CDC42SE2: variants seen among roughly 807,000 people sequenced by gnomAD.
CDC42SE2 encodes the protein CDC42 small effector protein 2.
Under a neutral mutation model 11.5 loss-of-function variants are expected in CDC42SE2, and 3 were observed. The observed-to-expected ratio is 0.26, with a 90% CI of 0.12 to 0.67. CDC42SE2 has a LOEUF of 0.67. Ranked by LOEUF, CDC42SE2 falls within the 30% of genes least tolerant of loss-of-function variation. The pLI, the probability that CDC42SE2 is intolerant of heterozygous loss-of-function variation, is 0.80. For synonymous variants in CDC42SE2, 33 were observed against 34.8 expected, an observed-to-expected ratio of 0.95 and a Z score of 0.18; for missense variants, 82 against 106.8, an observed-to-expected ratio of 0.77 and a Z score of 1.02.
chr5:131,363,267 A>G (rs1176783683), intron 3 of CDC42SE2, among the ~76,000 whole-genome samples: 5 of 54,362 alleles, frequency 9.2e-5, no homozygotes, highest in South Asian at 4.7e-4. Context: ...TGATTTACAG[A>G]AAAAAAAAAA....
upstream of CDC42SE2, among the ~76,000 whole-genome samples, chr5:131,241,391 C>T (rs533824639): frequency 1.3e-5 from 2 of 152,038 alleles, no homozygotes; most frequent in African/African-American, 2.4e-5. Context: ...CTTGTTTTTC[C>T]TTATGCTATA....
At chr5:131,369,941 GTGCTTTC>G (rs1749970239) in intron 3 of CDC42SE2, among the ~76,000 whole-genome samples, 1 of 152,304 alleles carries the variant, frequency 6.6e-6, no homozygotes, top group East Asian at 1.9e-4. Context: ...ATTTAATTCA[GTGCTTTC>G]TGCTTATTCT....
the CDC42SE2 span, among the ~76,000 whole-genome samples, chr5:131,210,686 T>G: frequency 5.8e-4 from 88 of 152,352 alleles, no homozygotes; most frequent in Admixed American, 1.5e-3. Context: ...CTTGTAAGAT[T>G]TTTGTCTTTT....
At chr5:131,381,321 T>TG (rs1491365195) in intron 3 of CDC42SE2, among the ~76,000 whole-genome samples, 2 of 63,796 alleles carry the variant, frequency 3.1e-5, no homozygotes, top group South Asian at 4.3e-4. Context: ...TGTTTTTTTT[T>TG]GTTTTTTTTT....
rs912955913 is a variant in CDC42SE2, at chr5:131,330,851, C to CAAA, written c.-286+14725_-286+14727dup. Among the ~76,000 whole-genome samples the CAAA allele has an allele frequency of 3.0e-3, 176 of 58,140 alleles. 1 individual carries two copies. Among genetic ancestry groups the CAAA allele is most frequent in the Middle Eastern group, 0.011 (1 of 90 alleles). 38.1% of individuals were successfully genotyped at this position (58,140 alleles called of 152,430 possible). ...GGGAAACATATAGACCCTGCCTTTA[C>CAAA]AAAAAAAAAAAAAAAAAAAATTTAA... is the stretch of plus-strand genomic sequence containing the variant. On this transcript the variant is annotated intron_variant, in intron 2 of 4. Coordinates refer to ENST00000505065, the MANE Select transcript of CDC42SE2 (RefSeq NM_001375635.1).
At chr5:131,266,954 C>CTTTTT (rs34496996) in intron 1 of CDC42SE2, among the ~76,000 whole-genome samples, 2 of 69,514 alleles carry the variant, frequency 2.9e-5, no homozygotes, top group Non-Finnish European at 2.8e-5. Context: ...AAGTGTTTGG[C>CTTTTT]TTTTTTTTTT....
intron 1 of CDC42SE2, among the ~76,000 whole-genome samples, chr5:131,274,988 C>T (rs1038794678): frequency 6.6e-6 from 1 of 152,048 alleles, no homozygotes; most frequent in African/African-American, 2.4e-5. Flanking sequence ...CACCTAAAAC[C>T]ATGTAGTCCT....
chr5:131,211,496 T>C, the CDC42SE2 span, among the ~76,000 whole-genome samples: 2 of 152,198 alleles, frequency 1.3e-5, no homozygotes, highest in African/African-American at 4.8e-5. Context: ...ATACTCCTCT[T>C]TGTTCACCTC....
rs771254022 is a variant in CDC42SE2, at chr5:131,359,467, G to C, written c.-27G>C. 1 of 1,594,758 alleles carries C rather than the reference G, an allele frequency of 6.3e-7. No homozygotes were observed. The highest frequency in any genetic ancestry group is 1.7e-5 in the Admixed American group (1 of 59,982). On this transcript the variant is annotated 5_prime_UTR_variant, in exon 3 of 5. Coordinates refer to ENST00000505065, the MANE Select transcript of CDC42SE2 (RefSeq NM_001375635.1). ...CGAGTTGAGATTTGGAACCTTCATTGGTGCTCATTTACTGTGGACTGTAAG... is the reference window on the plus strand; with the variant it reads ...CGAGTTGAGATTTGGAACCTTCATTCGTGCTCATTTACTGTGGACTGTAAG...
chr5:131,289,756 C>T (rs1307387852), intron 1 of CDC42SE2, among the ~76,000 whole-genome samples: 5 of 151,994 alleles, frequency 3.3e-5, no homozygotes, highest in African/African-American at 1.2e-4. Context: ...TTTCCCCAGT[C>T]TCTCCCAATT....
Position 131,292,521 on chromosome 5 carries a change from CTG to C in CDC42SE2, c.-454-23454_-454-23453del, listed in dbSNP as rs536367761. 8.7e-4 allele frequency among the ~76,000 whole-genome samples: 125 copies of C among 143,640 alleles called. 1 individual carries two copies. The highest frequency in any genetic ancestry group is 2.8e-3 in the African/African-American group (106 of 38,108). 94.2% of individuals were successfully genotyped at this position (143,640 alleles called of 152,430 possible). A position where few individuals can be genotyped will look rare whatever the true frequency, so the allele number is the denominator to read the frequency against. On this transcript the variant is annotated intron_variant, in intron 1 of 4. Coordinates refer to ENST00000505065, the MANE Select transcript of CDC42SE2 (RefSeq NM_001375635.1). ...AAGCGGAGGTTGCAGTGAGCCGAGA[CTG>C]CACTCCAGCCCGGGTGACAGAGTGA...
At chr5:131,376,510 C>G (rs765264131) in intron 3 of CDC42SE2, among the ~76,000 whole-genome samples, 9 of 151,888 alleles carry the variant, frequency 5.9e-5, no homozygotes, top group Non-Finnish European at 8.8e-5. Flanking sequence ...TTTAATTTAC[C>G]TTTGAGGTTC....
At chr5:131,300,502 A>G (rs944480685) in intron 1 of CDC42SE2, among the ~76,000 whole-genome samples, 2 of 152,136 alleles carry the variant, frequency 1.3e-5, no homozygotes, top group Non-Finnish European at 2.9e-5. Context: ...ATTATGTTGT[A>G]GGCCTGGCGC....
rs142818329 is a variant in CDC42SE2 at position 131,365,709 on chromosome 5, G to A, written c.54+6162G>A. 2.7e-3 allele frequency among the ~76,000 whole-genome samples: 408 copies of A among 152,288 alleles called. 3 individuals carry two copies. The highest frequency in any genetic ancestry group is 9.4e-3 in the African/African-American group (391 of 41,554). On this transcript the variant is annotated intron_variant, in intron 3 of 4. Coordinates refer to ENST00000505065, the MANE Select transcript of CDC42SE2 (RefSeq NM_001375635.1). ...AAAATTAGCCTTATCAGGGCCTGGC[G>A]TGGTGGCTCACACCTGTATCCCCAG...
intron 2 of CDC42SE2, among the ~76,000 whole-genome samples, chr5:131,347,991 ATC>A (rs1224901541): frequency 6.6e-6 from 1 of 152,240 alleles, no homozygotes; most frequent in African/African-American, 2.4e-5. Context: ...GATGGGACGT[ATC>A]TCAAAATAAT....
chr5:131,220,593 A>T, the CDC42SE2 span, among the ~76,000 whole-genome samples: 1 of 152,202 alleles, frequency 6.6e-6, no homozygotes, highest in Admixed American at 6.5e-5. Flanking sequence ...ACCTTGATAG[A>T]ATATTCCATT....
chr5:131,371,678 T>C (rs1750015750), intron 3 of CDC42SE2, among the ~76,000 whole-genome samples: 1 of 152,234 alleles, frequency 6.6e-6, no homozygotes. Context: ...TAAACTAAGT[T>C]AAGATCAGTG....
At chr5:131,231,991 C>T in the CDC42SE2 span, among the ~76,000 whole-genome samples, 19 of 151,954 alleles carry the variant, frequency 1.3e-4, no homozygotes, top group Non-Finnish European at 2.2e-4. Flanking sequence ...GGTTTCACCA[C>T]GTTGGCCAGG....
chr5:131,355,856 C>A (rs532891416), intron 2 of CDC42SE2, among the ~76,000 whole-genome samples: 5 of 152,236 alleles, frequency 3.3e-5, no homozygotes, highest in Admixed American at 6.5e-5. Flanking sequence ...AGCAGCAAAA[C>A]TTCATGCAGG....
Sources: gnomAD v4.1 joint callset for allele counts (sites outside exome capture counted in the v4.1 genomes callset) on GRCh38, gnomAD v4.1.1 for gene constraint, MANE v1.5 for transcripts, NCBI Gene and HGNC (gene_info 2026-07-23, HGNC 2026-07-21) for gene names.